The following CCDC57 variants were observed in gnomAD, a reference collection of about 807,000 sequenced individuals.
The protein encoded by CCDC57 is coiled-coil domain containing 57.
CCDC57 carries 118 observed loss-of-function variants against 118.9 expected under a neutral mutation model. The ratio of observed to expected loss-of-function variants is 0.99; its 90% CI spans 0.86 to 1.16. The LOEUF (loss-of-function observed/expected upper bound fraction) is 1.16, where lower values mean the gene tolerates loss of function less well. CCDC57 is among the 50% of genes most tolerant of loss of function. CCDC57 has a pLI of 0.00. For missense variants in CCDC57, 1,300 were observed against 1,320.7 expected, an observed-to-expected ratio of 0.98 and a Z score of 0.24; for synonymous variants, 527 against 532.9, an observed-to-expected ratio of 0.99 and a Z score of 0.15.
At chr17:82,200,589 G>A (rs2048876617) in intron 3 of CCDC57, among the ~76,000 whole-genome samples, 1 of 152,012 alleles carries the variant, frequency 6.6e-6, no homozygotes, top group Non-Finnish European at 1.5e-5. Flanking sequence ...TTCAAGACCA[G>A]CCTGGGCAAC....
chr17:82,157,411 C>A, intron 15 of CCDC57: 1 of 1,263,788 alleles, frequency 7.9e-7, no homozygotes, highest in African/African-American at 1.5e-5. Context: ...GCCGTCAAGG[C>A]CCTGCATTAA....
chr17:82,198,987 C>G (rs1198246140), intron 3 of CCDC57, among the ~76,000 whole-genome samples: 1 of 119,976 alleles, frequency 8.3e-6, no homozygotes, highest in Admixed American at 8.7e-5. Flanking sequence ...AGCGAGACTC[C>G]ATCTCAAAAA....
At chr17:82,196,877 TCA>T (rs2048362578) in intron 4 of CCDC57, among the ~76,000 whole-genome samples, 2 of 123,458 alleles carry the variant, frequency 1.6e-5, no homozygotes, top group African/African-American at 6.6e-5. Context: ...ACGCAGCCCC[TCA>T]TGACTCCTGC....
In CCDC57 at chr17:82,163,901, G is replaced by A. The variant is rs562867639; in HGVS notation, c.1883-544C>T. Among the ~76,000 whole-genome samples, 16 of 152,246 alleles carry A rather than the reference G, an allele frequency of 1.1e-4. No individual in the cohort carries two copies. In the South Asian group the frequency reaches 1.2e-3, roughly 12 times the overall value. ...TCTCAAGAAATTAGAGGGGCCAGGT[G>A]CAGTGGCCCATCCCTGTCATCTCAT... On this transcript the variant is annotated intron_variant, in intron 13 of 19. Transcript: ENST00000665763.
chr17:82,113,663 G>A, intron 19 of CCDC57: 1 of 716,878 alleles, frequency 1.4e-6, no homozygotes, highest in Middle Eastern at 2.3e-4. Context: ...GCTGGGCGTG[G>A]GGCCCACACC....
At chr17:82,180,493 G>C (rs1289417071) in intron 9 of CCDC57, among the ~76,000 whole-genome samples, 2 of 151,826 alleles carry the variant, frequency 1.3e-5, no homozygotes, top group African/African-American at 2.4e-5. Context: ...GGTTTTTTTT[G>C]GATACAGAGT....
intron 19 of CCDC57, among the ~76,000 whole-genome samples, chr17:82,119,953 G>A (rs2036449084): frequency 6.6e-6 from 1 of 152,168 alleles, no homozygotes; most frequent in African/African-American, 2.4e-5. Context: ...GCCCTGGGAC[G>A]GGGTGACTGC....
intron 13 of CCDC57, among the ~76,000 whole-genome samples, chr17:82,165,754 C>T (rs1186300634): frequency 2.6e-5 from 4 of 152,110 alleles, no homozygotes; most frequent in Middle Eastern, 3.2e-3. Flanking sequence ...CTCTGACAAC[C>T]GGGCCTGGCG....
At chr17:82,156,243 A>AT (rs2042666305) in intron 15 of CCDC57, 1 of 151,964 alleles carries the variant, frequency 6.6e-6, no homozygotes, top group Non-Finnish European at 1.5e-5. Context: ...GTGAGCCAAG[A>AT]TAGCGCCAGT....
intron 13 of CCDC57, among the ~76,000 whole-genome samples, chr17:82,166,605 G>C (rs2044017970): frequency 6.6e-6 from 1 of 151,958 alleles, no homozygotes; most frequent in Non-Finnish European, 1.5e-5. Context: ...TTCCAGTAAA[G>C]TAAGATATAA....
intron 3 of CCDC57, among the ~76,000 whole-genome samples, chr17:82,201,084 A>G (rs560966798): frequency 2.2e-4 from 33 of 152,324 alleles, no homozygotes; most frequent in Admixed American, 6.5e-4. Flanking sequence ...GATACCAGGC[A>G]TGTGGTTGAG....
At chr17:82,158,139 C>T (rs1470834496) in intron 14 of CCDC57, among the ~76,000 whole-genome samples, 191 bp from the exon 14 acceptor site, 4 of 152,206 alleles carry the variant, frequency 2.6e-5, no homozygotes, top group Admixed American at 6.5e-5. Context: ...CCTCCTGCCC[C>T]GCCCAGCTGG....
chr17:82,169,195 C>T (rs1455491060), intron 13 of CCDC57, among the ~76,000 whole-genome samples: 2 of 152,264 alleles, frequency 1.3e-5, no homozygotes, highest in Middle Eastern at 3.4e-3. Flanking sequence ...GGTGCAATCT[C>T]GGCTCACTGC....
Position 82,186,303 on chromosome 17 carries a change from G to A in CCDC57, c.1052+1916C>T, listed in dbSNP as rs113222424. On this transcript the variant is annotated intron_variant, in intron 8 of 19. Transcript: ENST00000665763. ...CAAAGAGTATTTACGGACAGAAAAC[G>A]AAAAGACATTCAAGAACAACATTTA... 4.9e-3 allele frequency among the ~76,000 whole-genome samples: 748 copies of A among 152,254 alleles called. 6 individuals are homozygous for A. Among genetic ancestry groups the A allele is most frequent in the African/African-American group, 0.017 (710 of 41,554 alleles).
intron 15 of CCDC57, chr17:82,155,612 G>A (rs1211800992): frequency 6.6e-6 from 1 of 152,474 alleles, no homozygotes; most frequent in East Asian, 1.9e-4. Context: ...ACAGAGCTGG[G>A]ATCAGATGCA....
At chr17:82,200,715 C>T (rs1270342037) in intron 3 of CCDC57, among the ~76,000 whole-genome samples, 1 of 152,002 alleles carries the variant, frequency 6.6e-6, no homozygotes, top group Non-Finnish European at 1.5e-5. Flanking sequence ...ATCACTTGAA[C>T]CCGGGAGATG....
intron 11 of CCDC57, among the ~76,000 whole-genome samples, chr17:82,176,119 A>G (rs1462503444): frequency 3.3e-5 from 5 of 152,174 alleles, no homozygotes; most frequent in Admixed American, 3.3e-4. Flanking sequence ...CCTTTGGAAC[A>G]CCAAGCTCTG....
intron 16 of CCDC57, among the ~76,000 whole-genome samples, chr17:82,139,466 G>C (rs1338170114): frequency 1.3e-5 from 2 of 151,970 alleles, no homozygotes; most frequent in Admixed American, 1.3e-4. Flanking sequence ...AGCAATTCTC[G>C]TGCCTCAGCC....
Position 82,151,564 on chromosome 17 carries a change from G to C in CCDC57, c.2451C>G (p.Pro817=), listed in dbSNP as rs111531014. ...GCCTCCACTTCCCGGACTCACTTTC[G>C]GGTCGGCCCAGCTCTGCACGGAGCC... The change falls in exon 16 of 20, where the codon CCC becomes CCG. Residue 817 remains proline, a synonymous_variant. Transcript: ENST00000665763. The C allele has an allele frequency of 4.5e-5, 70 of 1,549,978 alleles. 1 individual carries two copies. The Middle Eastern group carries it at 8.3e-4, about 18-fold the overall frequency.
Sources: gnomAD v4.1 joint callset for allele counts (sites outside exome capture counted in the v4.1 genomes callset) on GRCh38, gnomAD v4.1.1 for gene constraint, MANE v1.5 for transcripts, NCBI Gene and HGNC (gene_info 2026-07-23, HGNC 2026-07-21) for gene names.